SCAPER: variants seen among roughly 807,000 people sequenced by gnomAD.
The protein encoded by SCAPER is S phase cyclin A-associated protein in the endoplasmic reticulum.
In SCAPER, 98 loss-of-function variants were observed where a neutral mutation model predicts 182.2. The ratio of observed to expected loss-of-function variants is 0.54; its 90% CI spans 0.46 to 0.64. The LOEUF is 0.64. SCAPER is among the 30% of genes least tolerant of loss of function. The probability of loss-of-function intolerance (pLI) is 0.00; values close to 1 mark genes in which losing one functional copy is unlikely to be tolerated. For synonymous variants in SCAPER, 605 were observed against 564.6 expected (o/e 1.07, Z -1.01); for missense variants, 1,432 against 1,690.0 (o/e 0.85, Z 2.68).
intron 21 of SCAPER, among the ~76,000 whole-genome samples, chr15:76,647,610 C>G (rs2054652992): frequency 6.6e-6 from 1 of 152,108 alleles, no homozygotes; most frequent in South Asian, 2.1e-4. Context: ...AAGATGTATG[C>G]AGAGAAGGTC....
intron 5 of SCAPER, among the ~76,000 whole-genome samples, chr15:76,814,946 G>A (rs1405733391): frequency 2.6e-5 from 4 of 151,938 alleles, no homozygotes; most frequent in East Asian, 1.9e-4. Flanking sequence ...TTAAAAATGG[G>A]CAAAGAATCT....
chr15:76,589,303 T>C (rs1296021846), intron 22 of SCAPER, among the ~76,000 whole-genome samples: 1 of 152,140 alleles, frequency 6.6e-6, no homozygotes, highest in Non-Finnish European at 1.5e-5. Flanking sequence ...ACCTTTGTCT[T>C]CAGCTACCAG....
At chr15:76,446,484 G>C (rs1318011913) in intron 25 of SCAPER, among the ~76,000 whole-genome samples, 1 of 152,190 alleles carries the variant, frequency 6.6e-6, no homozygotes, top group African/African-American at 2.4e-5. Context: ...AAGAACCTGG[G>C]GAAGTTTTAG....
At chr15:76,485,520 A>T (rs2051545729) in intron 24 of SCAPER, among the ~76,000 whole-genome samples, 1 of 152,200 alleles carries the variant, frequency 6.6e-6, no homozygotes, top group African/African-American at 2.4e-5. Context: ...TCTTCACAGA[A>T]CTACAAAAAA....
At chr15:76,726,156 A>ATATATTTAT (rs56986282) in intron 17 of SCAPER, among the ~76,000 whole-genome samples, 1 of 79,724 alleles carries the variant, frequency 1.3e-5, no homozygotes, top group African/African-American at 5.2e-5. Context: ...TATATATATA[A>ATATATTTAT]AAAACTCTAT....
intron 1 of SCAPER, among the ~76,000 whole-genome samples, chr15:76,886,681 A>C (rs1395151615): frequency 1.3e-5 from 2 of 152,224 alleles, no homozygotes; most frequent in Non-Finnish European, 2.9e-5. Flanking sequence ...AAATCATTCT[A>C]TTATAAAGAC....
intron 23 of SCAPER, among the ~76,000 whole-genome samples, chr15:76,536,448 T>C (rs1439175193): frequency 5.3e-5 from 8 of 152,252 alleles, no homozygotes; most frequent in Non-Finnish European, 1.0e-4. Context: ...GTCTCACTGT[T>C]CTTATTTTAA....
At chr15:76,766,426 T>A (rs2063121457) in intron 11 of SCAPER, among the ~76,000 whole-genome samples, 1 of 151,754 alleles carries the variant, frequency 6.6e-6, no homozygotes, top group South Asian at 2.1e-4. Context: ...AAAAGTAAAA[T>A]ACCTTAGCTT....
intron 23 of SCAPER, among the ~76,000 whole-genome samples, chr15:76,510,183 A>T (rs1464911769): frequency 6.6e-6 from 1 of 152,212 alleles, no homozygotes; most frequent in Non-Finnish European, 1.5e-5. Context: ...TTTCATGACC[A>T]AGAACCCAAA....
chr15:76,581,425 T>C (rs748128841), intron 22 of SCAPER, among the ~76,000 whole-genome samples: 3 of 151,966 alleles, frequency 2.0e-5, no homozygotes, highest in Non-Finnish European at 4.4e-5. Context: ...TACAAGCAAA[T>C]GGAATTCAAC....
At chr15:76,399,017 C>G (rs1201825015) in intron 27 of SCAPER, among the ~76,000 whole-genome samples, 1 of 152,176 alleles carries the variant, frequency 6.6e-6, no homozygotes, top group South Asian at 2.1e-4. Flanking sequence ...TTAAGGGGGA[C>G]CCAATGAGCC....
At chr15:76,570,401 G>A (rs1016579027) in intron 23 of SCAPER, among the ~76,000 whole-genome samples, 2 of 151,780 alleles carry the variant, frequency 1.3e-5, no homozygotes, top group Admixed American at 1.3e-4. Context: ...GATCATCAAC[G>A]GTACCTAGTC....
At chr15:76,865,840 T>A (rs776326075) in intron 2 of SCAPER, among the ~76,000 whole-genome samples, 2 of 152,164 alleles carry the variant, frequency 1.3e-5, no homozygotes, top group African/African-American at 4.8e-5. Context: ...GTACCCATAT[T>A]CCTTCATTCC....
chr15:76,390,796 G>C (rs2043638245), intron 27 of SCAPER, among the ~76,000 whole-genome samples: 1 of 133,326 alleles, frequency 7.5e-6, no homozygotes, highest in Non-Finnish European at 1.7e-5. Flanking sequence ...TCTGCCAGAG[G>C]CTATGTTGTG....
chr15:76,856,126 T>C (rs1221700980), intron 4 of SCAPER, among the ~76,000 whole-genome samples: 2 of 152,160 alleles, frequency 1.3e-5, no homozygotes, highest in Non-Finnish European at 2.9e-5. Flanking sequence ...TGCTGGAACA[T>C]GAATGGAGCT....
At position 76,353,991 on chromosome 15, in the gene SCAPER, C is replaced by G. The variant is rs903059003; in HGVS notation, c.4005G>C (p.Leu1335=). ...GTAAAACACAGCTCATCTCTTGCTC[C>G]AGAATGATCTTGTTCTGATGGTTGT... ...CYNNHQNKII[L]EQEMSCVLLA... Residue 1335 remains leucine (L), a synonymous_variant, in exon 30 of 32, where the codon CTG becomes CTC. Coordinates refer to ENST00000563290, the MANE Select transcript of SCAPER (RefSeq NM_020843.4). 5.6e-6 allele frequency: 9 copies of G among 1,598,024 alleles called. No homozygotes were observed. Among genetic ancestry groups the G allele is most frequent in the Non-Finnish European group, 7.7e-6 (9 of 1,175,004 alleles).
Position 76,590,966 on chromosome 15 carries a change from A to T in SCAPER, c.2712-16682T>A, listed in dbSNP as rs564108686. Among the ~76,000 whole-genome samples the T allele has an allele frequency of 5.9e-5, 9 of 152,350 alleles. No individual in the cohort carries two copies. In the East Asian group the frequency reaches 1.7e-3, roughly 29 times the overall value. On this transcript the variant is annotated intron_variant, in intron 22 of 31. Coordinates refer to ENST00000563290, the MANE Select transcript of SCAPER (RefSeq NM_020843.4). Reference sequence around the variant, plus strand: ...CAAATACTGCATCTTCTTTCTTCTAAGTGGGAGCTAAATAATGTGTACACA... The same window carrying T: ...CAAATACTGCATCTTCTTTCTTCTATGTGGGAGCTAAATAATGTGTACACA...
intron 7 of SCAPER, among the ~76,000 whole-genome samples, chr15:76,798,676 T>G (rs922068170): frequency 6.6e-6 from 1 of 151,674 alleles, no homozygotes; most frequent in South Asian, 2.1e-4. Context: ...AAGTGATGGA[T>G]CACATTCAAG....
At chr15:76,456,731 T>C (rs1264420777) in intron 25 of SCAPER, among the ~76,000 whole-genome samples, 1 of 152,216 alleles carries the variant, frequency 6.6e-6, no homozygotes, top group African/African-American at 2.4e-5. Context: ...AATTCTCATA[T>C]GGAAATTGTT....
Sources: gnomAD v4.1 joint callset for allele counts (sites outside exome capture counted in the v4.1 genomes callset) on GRCh38, gnomAD v4.1.1 for gene constraint, MANE v1.5 for transcripts, NCBI Gene and HGNC (gene_info 2026-07-23, HGNC 2026-07-21) for gene names.